Variants in RYR3 observed in about 807,000 individuals in gnomAD.
RYR3 encodes the protein ryanodine receptor 3, also known as brain ryanodine receptor-calcium release channel.
In RYR3, 207 loss-of-function variants were observed where a neutral mutation model predicts 584.3. That is an observed-to-expected ratio of 0.35 (90% CI 0.32 to 0.40). The LOEUF is 0.40. Ranked by LOEUF, RYR3 falls within the 10% of genes least tolerant of loss-of-function variation. The pLI is 1.00. For synonymous variants in RYR3, 2,416 were observed against 2,248.5 expected (o/e 1.07, Z -2.11); for missense variants, 5,616 against 6,089.2 (o/e 0.92, Z 2.59).
intron 18 of RYR3, among the ~76,000 whole-genome samples, chr15:33,605,121 A>G (rs1397867130): frequency 2.0e-5 from 3 of 152,186 alleles, no homozygotes; most frequent in African/African-American, 7.2e-5. Flanking sequence ...TCGAAGAGAA[A>G]CTAATCATTC....
At chr15:33,752,804 G>A (rs906255790) in intron 57 of RYR3, among the ~76,000 whole-genome samples, 2 of 152,118 alleles carry the variant, frequency 1.3e-5, no homozygotes, top group Admixed American at 1.3e-4. Context: ...TCCTTGTCTT[G>A]TGCCTGTTTT....
In RYR3 at chr15:33,336,544, AG is replaced by A. The variant is rs1338196508; in HGVS notation, c.51+25450del. Among the ~76,000 whole-genome samples the A allele has an allele frequency of 7.1e-5, 9 of 127,194 alleles. 2 individuals carry two copies. The highest frequency in any genetic ancestry group is 2.2e-4 in the African/African-American group (7 of 32,044). 83.4% of individuals were successfully genotyped at this position (127,194 alleles called of 152,430 possible). Reference sequence around the variant, plus strand: ...AAGGAGGGAAGGAGGGAAGGAGGGAAGGAGGGAAGGAAGGAAGAAAAAAGCA... The same window carrying A: ...AAGGAGGGAAGGAGGGAAGGAGGGAAGAGGGAAGGAAGGAAGAAAAAAGCA... On this transcript the variant is annotated intron_variant, in intron 1 of 103. Coordinates refer to ENST00000634891, the MANE Select transcript of RYR3 (RefSeq NM_001036.6).
At chr15:33,403,553 TATATC>T (rs1422335352) in intron 1 of RYR3, among the ~76,000 whole-genome samples, 1 of 152,204 alleles carries the variant, frequency 6.6e-6, no homozygotes, top group Non-Finnish European at 1.5e-5. Context: ...AATAGGTAAA[TATATC>T]AGAATCTAAA....
At position 33,810,503 on chromosome 15, in the gene RYR3, A is replaced by C. The variant is rs1286928483; in HGVS notation, c.10051A>C (p.Lys3351Gln). Residue 3351 changes from lysine to glutamine, a missense_variant, in exon 71 of 104, where the codon AAG becomes CAG. Lys to Gln is a moderately conservative substitution (Grantham distance 53). Around this residue, in one of 9 missense-constraint regions of RYR3, gnomAD observed 954 missense variants for 1,132.2 expected, o/e 0.84. Transcript: ENST00000634891. ...VKSGGQDQER[K>Q]KTKRRGDLYS... Reference sequence around the variant, plus strand: ...GTCTGGAGGACAAGACCAGGAGCGGAAGAAGACAAAGCGGCGGGGAGACTT... The same window carrying C: ...GTCTGGAGGACAAGACCAGGAGCGGCAGAAGACAAAGCGGCGGGGAGACTT... The C allele has an allele frequency of 6.2e-7, 1 of 1,614,014 alleles. No homozygotes were observed. The highest frequency in any genetic ancestry group is 1.3e-5 in the African/African-American group (1 of 75,046).
At chr15:33,657,222 C>T (rs966076370) in intron 32 of RYR3, among the ~76,000 whole-genome samples, 1 of 152,172 alleles carries the variant, frequency 6.6e-6, no homozygotes, top group Non-Finnish European at 1.5e-5. Context: ...TCTCAAAGCA[C>T]TTACTTTCTG....
At chr15:33,432,605 C>CT (rs59006387) in intron 1 of RYR3, among the ~76,000 whole-genome samples, 11,280 of 129,046 alleles carry the variant, frequency 0.087, 1,090 homozygotes, top group African/African-American at 0.24. Context: ...TTTTTTCTTT[C>CT]TTTTTTTTTT....
chr15:33,444,073 A>G (rs1211508295), intron 1 of RYR3, among the ~76,000 whole-genome samples: 1 of 152,216 alleles, frequency 6.6e-6, no homozygotes, highest in African/African-American at 2.4e-5. Context: ...TTCTTTGGAA[A>G]TGAAATTTTT....
chr15:33,841,301 A>T (rs7179722), intron 90 of RYR3, among the ~76,000 whole-genome samples: 75,531 of 152,062 alleles, frequency 0.5, 19,035 homozygotes, highest in South Asian at 0.58. Context: ...AAAACTTGAT[A>T]TCTGTCAATG....
chr15:33,842,083 G>A (rs1486023900), intron 91 of RYR3, 48 bp downstream of exon 91: 1 of 1,554,346 alleles, frequency 6.4e-7, no homozygotes, highest in Non-Finnish European at 8.7e-7. Context: ...GATTGGCCCA[G>A]GCAGATGGCA....
chr15:33,827,147 G>T, intron 84 of RYR3, 52 bp from the exon 85 acceptor site: 2 of 1,416,340 alleles, frequency 1.4e-6, no homozygotes, highest in East Asian at 2.5e-5. Flanking sequence ...GGGCATGCTT[G>T]GCCCCCTCGG....
At chr15:33,651,981 T>A (rs79912124) in intron 31 of RYR3, among the ~76,000 whole-genome samples, 1 of 152,246 alleles carries the variant, frequency 6.6e-6, no homozygotes, top group South Asian at 2.1e-4. Flanking sequence ...AATCCTACAA[T>A]TGGGGAATCA....
chr15:33,629,763 G>A, intron 21 of RYR3, 177 bp from the exon 22 acceptor site: 1 of 517,070 alleles, frequency 1.9e-6, no homozygotes, highest in Non-Finnish European at 3.4e-6. Flanking sequence ...GCAACTTGGA[G>A]ACTGTGTGTC....
intron 1 of RYR3, among the ~76,000 whole-genome samples, chr15:33,411,055 A>G (rs774962547): frequency 1.3e-5 from 2 of 152,144 alleles, no homozygotes; most frequent in Non-Finnish European, 2.9e-5. Context: ...ACACATGGGT[A>G]TTATTACAAT....
Position 33,731,390 on chromosome 15 carries a change from C to G in RYR3, c.7204-84C>G, listed in dbSNP as rs919536034. ...CGTGGACATATATAAGCTCCCACAG[C>G]TTGCTACATGGGAACTCTGTGCAGA... On this transcript the variant is annotated intron_variant, in intron 47 of 103. Coordinates refer to ENST00000634891, the MANE Select transcript of RYR3 (RefSeq NM_001036.6). 16 of 933,692 alleles carry G rather than the reference C, an allele frequency of 1.7e-5. 1 individual carries two copies. In the Admixed American group the frequency reaches 3.0e-4, roughly 18 times the overall value. The allele number at this position is 933,692 out of a possible 1,614,324, so 57.8% of individuals were successfully genotyped here.
At chr15:33,544,042 A>AG (rs1381462163) in intron 8 of RYR3, among the ~76,000 whole-genome samples, 1 of 152,208 alleles carries the variant, frequency 6.6e-6, no homozygotes, top group Non-Finnish European at 1.5e-5. Context: ...TAAGTAAATA[A>AG]GGTGGACTTC....
chr15:33,467,427 C>A (rs7172960), intron 1 of RYR3: 3 of 969,030 alleles, frequency 3.1e-6, no homozygotes, highest in African/African-American at 3.5e-5. Context: ...GTTCCCCAGC[C>A]ATCAGCTCAG....
chr15:33,423,253 T>C (rs1232895481), intron 1 of RYR3, among the ~76,000 whole-genome samples: 1 of 152,172 alleles, frequency 6.6e-6, no homozygotes, highest in Non-Finnish European at 1.5e-5. Flanking sequence ...AATTATATAA[T>C]ATTTGTCTTT....
In RYR3 at chr15:33,734,182, CA is replaced by C. The variant is rs35477909; in HGVS notation, c.7425-2050del. On this transcript the variant is annotated intron_variant, in intron 48 of 103. Transcript: ENST00000634891. Reference sequence around the variant, plus strand: ...GGTTTTCTCCCAGAGATCTCCTTCCCAAACCAGGCCTAATATTATGTTACTG... The same window carrying C: ...GGTTTTCTCCCAGAGATCTCCTTCCCAACCAGGCCTAATATTATGTTACTG... Among the ~76,000 whole-genome samples, 5 of 151,730 alleles carry C rather than the reference CA, an allele frequency of 3.3e-5. No homozygotes were observed. The East Asian group carries it at 9.7e-4, about 29-fold the overall frequency.
At chr15:33,379,687 C>CTCTA in intron 1 of RYR3, among the ~76,000 whole-genome samples, 5,083 of 125,402 alleles carry the variant, frequency 0.041, 135 homozygotes, top group Middle Eastern at 0.084. Flanking sequence ...CTCTCTCTCT[C>CTCTA]TATATATATA....
Sources: gnomAD v4.1 joint callset for allele counts (sites outside exome capture counted in the v4.1 genomes callset) on GRCh38, gnomAD v4.1.1 for gene constraint, gnomAD v4.1.1 regional missense constraint, MANE v1.5 for transcripts, NCBI Gene and HGNC (gene_info 2026-07-23, HGNC 2026-07-21) for gene names.